The following MICAL2 variants were observed in gnomAD, a reference collection of about 807,000 sequenced individuals.
MICAL2 encodes microtubule associated monooxygenase, calponin and LIM domain containing 2.
MICAL2 carries 77 observed loss-of-function variants against 127.3 expected under a neutral mutation model. The ratio of observed to expected loss-of-function variants is 0.60; its 90% CI spans 0.50 to 0.73. The LOEUF (loss-of-function observed/expected upper bound fraction) is 0.73. Among genes scored for constraint, MICAL2 ranks in the 30% least tolerant of loss-of-function variants. The probability of loss-of-function intolerance (pLI) is 0.00; values close to 1 mark genes in which losing one functional copy is unlikely to be tolerated. For missense variants in MICAL2, 1,351 were observed against 1,434.4 expected (o/e 0.94, Z 0.94); for synonymous variants, 570 against 551.1 (o/e 1.03, Z -0.48).
At chr11:12,121,287 C>G (rs1278345149) in intron 1 of MICAL2, among the ~76,000 whole-genome samples, 1 of 152,126 alleles carries the variant, frequency 6.6e-6, no homozygotes, top group Non-Finnish European at 1.5e-5. Flanking sequence ...ATAGGGCAGT[C>G]GAGGTGCTGA....
chr11:12,132,615 G>A (rs1395688883), intron 1 of MICAL2, among the ~76,000 whole-genome samples: 7 of 152,220 alleles, frequency 4.6e-5, no homozygotes, highest in East Asian at 1.9e-4. Flanking sequence ...GGCGCTGGGC[G>A]GTGTGGCATT....
intron 2 of MICAL2, among the ~76,000 whole-genome samples, chr11:12,156,864 G>C (rs1408530995): frequency 6.6e-6 from 1 of 152,262 alleles, no homozygotes; most frequent in Non-Finnish European, 1.5e-5. Flanking sequence ...GGAGCTTTTA[G>C]TTTCCTGAGC....
At chr11:12,220,594 GT>G in intron 9 of MICAL2, 136 bp downstream of exon 9, 4 of 1,275,332 alleles carry the variant, frequency 3.1e-6, no homozygotes, top group Non-Finnish European at 4.2e-6. Context: ...TGCCAAGCCT[GT>G]CCCGGCCTCA....
At chr11:12,256,468 A>T (rs1862334635) in intron 23 of MICAL2, 1 of 237,080 alleles carries the variant, frequency 4.2e-6, no homozygotes, top group Non-Finnish European at 8.2e-6. Flanking sequence ...CAGGGTTGTG[A>T]GTAAAGCCCA....
intron 2 of MICAL2, among the ~76,000 whole-genome samples, chr11:12,157,474 A>G (rs1281974526): frequency 1.3e-5 from 2 of 152,230 alleles, no homozygotes; most frequent in African/African-American, 4.8e-5. Flanking sequence ...GGAGCAGAAG[A>G]ACCACAAATA....
At chr11:12,268,712 C>T (rs115680929), downstream of MICAL2, among the ~76,000 whole-genome samples, 1,668 of 152,278 alleles carry the variant, frequency 0.011, 35 homozygotes, top group African/African-American at 0.038. Context: ...CCAACTCGGC[C>T]GGGCGCGGTC....
intron 2 of MICAL2, among the ~76,000 whole-genome samples, chr11:12,138,969 G>A (rs1250255333): frequency 6.6e-6 from 1 of 152,182 alleles, no homozygotes; most frequent in Non-Finnish European, 1.5e-5. Flanking sequence ...GAGTCAGATA[G>A]CCTGCCACAG....
chr11:12,142,705 CT>C (rs1242477352), intron 2 of MICAL2, among the ~76,000 whole-genome samples: 1 of 152,222 alleles, frequency 6.6e-6, no homozygotes, highest in Admixed American at 6.5e-5. Flanking sequence ...CATATATTAC[CT>C]TGTTTTTCCT....
chr11:12,141,133 G>A (rs919174015), intron 2 of MICAL2, among the ~76,000 whole-genome samples: 6 of 152,268 alleles, frequency 3.9e-5, no homozygotes, highest in South Asian at 2.1e-4. Flanking sequence ...ATCTTTCTTC[G>A]AGTCTGCAAG....
At chr11:12,307,970 A>C (rs550786647) in intron 29 of MICAL2, 1 of 152,300 alleles carries the variant, frequency 6.6e-6, no homozygotes, top group South Asian at 2.1e-4. Flanking sequence ...ACAGCCTCCA[A>C]CTCCTGGGCT....
chr11:12,231,862 C>T (rs1858325788), intron 15 of MICAL2, among the ~76,000 whole-genome samples: 3 of 152,230 alleles, frequency 2.0e-5, no homozygotes, highest in African/African-American at 7.2e-5. Flanking sequence ...AAGCTACTCT[C>T]TCTCCTTTCC....
Position 12,301,329 on chromosome 11 carries a change from T to C in MICAL2, c.5212+6472T>C, listed in dbSNP as rs1053228666. ...GATTTATCCATGTTATGTGCAGAAG[T>C]GGTTTGTTCTTTTCCATTGCTCCAT... On this transcript the variant is annotated intron_variant, in intron 29 of 34. Transcript: ENST00000646065. 3.2e-4 allele frequency among the ~76,000 whole-genome samples: 49 copies of C among 152,174 alleles called. 1 individual carries two copies. The highest frequency in any genetic ancestry group is 7.4e-5 in the Non-Finnish European group (5 of 68,026).
chr11:12,241,277 G>A (rs1859913833), intron 18 of MICAL2, 115 bp downstream of exon 18: 10 of 1,339,848 alleles, frequency 7.5e-6, no homozygotes, highest in African/African-American at 1.5e-5. Context: ...TAGATTTTCT[G>A]GACACACCTT....
rs1051525714 is a variant in MICAL2 at position 12,262,366 on chromosome 11, C to T, written c.3335-114C>T. On this transcript the variant is annotated intron_variant, in intron 26 of 27. Transcript: ENST00000683283. ...GGAAGTTTCCCTCTTTCAATCGTGG[C>T]CTTATTTTCAACTCCGGTGCCTTCT... The T allele has an allele frequency of 1.1e-5, 18 of 1,566,522 alleles. No individual in the cohort carries two copies. In the African/African-American group the frequency reaches 1.5e-4, roughly 13 times the overall value.
chr11:12,338,479 G>A (rs1938804954), intron 32 of MICAL2, among the ~76,000 whole-genome samples: 1 of 152,180 alleles, frequency 6.6e-6, no homozygotes, highest in Non-Finnish European at 1.5e-5. Flanking sequence ...TGTTATGTGT[G>A]AATTTGATCC....
At chr11:12,336,487 A>G (rs1439001787) in intron 32 of MICAL2, among the ~76,000 whole-genome samples, 1 of 152,194 alleles carries the variant, frequency 6.6e-6, no homozygotes, top group East Asian at 1.9e-4. Flanking sequence ...TTCCAAAACT[A>G]TGTTGAATAG....
chr11:12,341,918 G>T (rs1438935602), intron 32 of MICAL2, among the ~76,000 whole-genome samples: 2 of 152,208 alleles, frequency 1.3e-5, no homozygotes, highest in East Asian at 1.9e-4. Context: ...CAGCCTTGGT[G>T]GTTGGAAGTA....
In MICAL2 at chr11:12,344,755, C is replaced by T. The variant is rs1001835004; in HGVS notation, c.5516-5083C>T. Among the ~76,000 whole-genome samples, 8 of 150,254 alleles carry T rather than the reference C, an allele frequency of 5.3e-5. No homozygotes were observed. In the East Asian group the frequency reaches 1.4e-3, roughly 26 times the overall value. On this transcript the variant is annotated intron_variant, in intron 32 of 34. Coordinates refer to the MICAL2 transcript ENST00000646065. ...ACCCCAGATGATCCACTCACCTCGG[C>T]CTCCCAAAGTGCTGGGATTACAGGC... is the stretch of plus-strand genomic sequence containing the variant.
chr11:12,213,250 T>C lies in MICAL2; in HGVS notation c.692-5T>C, dbSNP rs375608049. The C allele has an allele frequency of 8.8e-5, 141 of 1,600,506 alleles. No individual in the cohort carries two copies. The highest frequency in any genetic ancestry group is 1.2e-4 in the Non-Finnish European group (137 of 1,173,016). On this transcript the variant is annotated splice_region_variant and splice_polypyrimidine_tract_variant and intron_variant, in intron 6 of 27. Coordinates refer to ENST00000683283, the MANE Select transcript of MICAL2 (RefSeq NM_001282663.2). ...AGACCCACTTTTTCATTTCTCCTCA[T>C]GCAGGGTTCAGAAGAAAAGAATTCC...
Sources: gnomAD v4.1 joint callset for allele counts (sites outside exome capture counted in the v4.1 genomes callset) on GRCh38, gnomAD v4.1.1 for gene constraint, MANE v1.5 for transcripts, NCBI Gene and HGNC (gene_info 2026-07-23, HGNC 2026-07-21) for gene names.